ATP10B: variants seen among roughly 807,000 people sequenced by gnomAD.
ATP10B encodes the protein ATPase phospholipid transporting 10B (putative).
ATP10B carries 122 observed loss-of-function variants against 141.2 expected under a neutral mutation model. The ratio of observed to expected loss-of-function variants is 0.86; its 90% CI spans 0.75 to 1.00. The LOEUF (loss-of-function observed/expected upper bound fraction) is 1.00, where lower values mean the gene tolerates loss of function less well. Among genes scored for constraint, ATP10B ranks in the 50% least tolerant of loss-of-function variants. The pLI, the probability that ATP10B is intolerant of heterozygous loss-of-function variation, is 0.00. For missense variants in ATP10B, 1,876 were observed against 1,825.3 expected (o/e 1.03, Z -0.51); for synonymous variants, 685 against 692.0 (o/e 0.99, Z 0.16).
rs188685171 is a variant in ATP10B at position 160,656,875 on chromosome 5, T to A, written c.676-7619A>T. Among the ~76,000 whole-genome samples, 18 of 152,288 alleles carry A rather than the reference T, an allele frequency of 1.2e-4. No individual in the cohort carries two copies. The East Asian group carries it at 3.5e-3, about 29-fold the overall frequency. ...TTTCCTCAAACATAGAAATCATTTATGTATTTAGTTTTTACCAAGAGTCAA... is the reference window on the plus strand; with the variant it reads ...TTTCCTCAAACATAGAAATCATTTAAGTATTTAGTTTTTACCAAGAGTCAA... On this transcript the variant is annotated intron_variant, in intron 7 of 25. Coordinates refer to ENST00000327245, the MANE Select transcript of ATP10B (RefSeq NM_025153.3).
rs768798800 is a variant in ATP10B at position 160,606,797 on chromosome 5, C to T, written c.3128G>A (p.Arg1043Gln). Residue 1043 changes from arginine to glutamine, a missense_variant, in exon 19 of 26, where the codon CGA (arginine) becomes CAA (glutamine). Physicochemically the swap from Arg to Gln is conservative, Grantham distance 43 (BLOSUM62 1). Transcript: ENST00000327245. Reference protein sequence around the residue: ...LQKSMIVKLVRDKLRVMTLSI... With the variant: ...LQKSMIVKLVQDKLRVMTLSI... ...AAGGGTCATGACGCGCAACTTGTCTCGCACCAGCTTGACTATCATACTCTT... is the reference window on the plus strand; with the variant it reads ...AAGGGTCATGACGCGCAACTTGTCTTGCACCAGCTTGACTATCATACTCTT... The T allele has an allele frequency of 1.2e-5, 19 of 1,613,914 alleles. No homozygotes were observed. Among genetic ancestry groups the T allele is most frequent in the East Asian group, 4.5e-5 (2 of 44,890 alleles).
chr5:160,675,136 C>T (rs139042023), intron 6 of ATP10B, among the ~76,000 whole-genome samples: 13 of 152,250 alleles, frequency 8.5e-5, no homozygotes, highest in South Asian at 6.2e-4. Context: ...GGCCAGGAGC[C>T]GCCTGCAGAA....
At chr5:160,709,523 T>C (rs962441783) in intron 3 of ATP10B, among the ~76,000 whole-genome samples, 6 of 152,106 alleles carry the variant, frequency 3.9e-5, no homozygotes, top group Admixed American at 3.3e-4. Context: ...ATCAGACTGG[T>C]GAAAAATGAG....
the ATP10B span, among the ~76,000 whole-genome samples, chr5:160,873,655 G>C: frequency 6.6e-6 from 1 of 152,210 alleles, no homozygotes; most frequent in Non-Finnish European, 1.5e-5. Flanking sequence ...GCCAGACAGT[G>C]GACGCAGGTC....
chr5:160,920,605 G>A, the ATP10B span, among the ~76,000 whole-genome samples: 96,417 of 152,146 alleles, frequency 0.63, 31,758 homozygotes, highest in African/African-American at 0.81. Flanking sequence ...TCCCAGATAC[G>A]TAAGTCAGTG....
At chr5:160,604,373 T>G (rs559846866) in intron 19 of ATP10B, among the ~76,000 whole-genome samples, 1 of 152,220 alleles carries the variant, frequency 6.6e-6, no homozygotes, top group South Asian at 2.1e-4. Flanking sequence ...TGAACTTTAC[T>G]GATGAGCAAA....
At position 160,617,960 on chromosome 5, in the gene ATP10B, A is replaced by G. The variant is rs1435024238; in HGVS notation, c.2430T>C (p.Asn810=). The G allele has an allele frequency of 6.2e-7, 1 of 1,614,018 alleles. No individual in the cohort carries two copies. Among genetic ancestry groups the G allele is most frequent in the Non-Finnish European group, 8.5e-7 (1 of 1,179,890 alleles). Residue 810 remains asparagine, a synonymous_variant, in exon 16 of 26, where the codon AAT becomes AAC. Transcript: ENST00000327245. The part of the protein sequence containing the change: ...LEDPACVPDI[N]MEKKLRKIRA... ...GGATTTTTCTCAGCTTCTTTTCCAT[A>G]TTAATGTCAGGTACTGTCAAATAGC...
At chr5:160,765,613 G>T (rs1769344477) in intron 2 of ATP10B, among the ~76,000 whole-genome samples, 1 of 152,048 alleles carries the variant, frequency 6.6e-6, no homozygotes, top group African/African-American at 2.4e-5. Context: ...AAAAATTCTA[G>T]AAGATAATAT....
At chr5:160,780,302 C>A (rs922148370) in intron 2 of ATP10B, among the ~76,000 whole-genome samples, 3 of 151,984 alleles carry the variant, frequency 2.0e-5, no homozygotes, top group Non-Finnish European at 4.4e-5. Flanking sequence ...CATGATTTAG[C>A]CTTTTTATAG....
chr5:160,874,270 GT>G, the ATP10B span, among the ~76,000 whole-genome samples: 1 of 151,170 alleles, frequency 6.6e-6, no homozygotes, highest in African/African-American at 2.4e-5. Context: ...CCCCAGGAGG[GT>G]ACACTGACAC....
At chr5:160,565,994 C>T in intron 25 of ATP10B, 94 bp from the exon 26 acceptor site, 1 of 1,221,320 alleles carries the variant, frequency 8.2e-7, no homozygotes. Context: ...CAACTCCCTG[C>T]CTGGAGCAAG....
chr5:160,640,215 C>T (rs919702384), intron 10 of ATP10B, among the ~76,000 whole-genome samples: 13 of 152,170 alleles, frequency 8.5e-5, no homozygotes, highest in South Asian at 2.1e-4. Flanking sequence ...TTCCATGCTA[C>T]GAGAGTGCCT....
At chr5:160,627,167 C>T (rs1758653995) in intron 13 of ATP10B, among the ~76,000 whole-genome samples, 1 of 152,176 alleles carries the variant, frequency 6.6e-6, no homozygotes, top group Non-Finnish European at 1.5e-5. Context: ...TTACTCCTGT[C>T]TCAAAATTCA....
At chr5:160,581,653 T>A (rs1755562227) in intron 24 of ATP10B, among the ~76,000 whole-genome samples, 5 of 152,232 alleles carry the variant, frequency 3.3e-5, no homozygotes, top group Non-Finnish European at 7.4e-5. Flanking sequence ...GTTCTGTAGA[T>A]GTCTATTAGG....
intron 19 of ATP10B, among the ~76,000 whole-genome samples, chr5:160,605,954 G>A (rs1757364422): frequency 6.6e-6 from 1 of 152,210 alleles, no homozygotes. Flanking sequence ...GCAAAGTTAG[G>A]TAGGATTGGA....
intron 2 of ATP10B, among the ~76,000 whole-genome samples, chr5:160,717,443 A>G (rs1765726781): frequency 6.6e-6 from 1 of 152,146 alleles, no homozygotes. Context: ...CTCTTCCTGT[A>G]GAAAAAGGTC....
intron 3 of ATP10B, among the ~76,000 whole-genome samples, chr5:160,716,136 GTCA>G (rs769831385): frequency 3.7e-4 from 56 of 152,016 alleles, no homozygotes; most frequent in Non-Finnish European, 4.9e-4. Context: ...TATTAATTAC[GTCA>G]TCATTCAGTA....
chr5:160,818,988 A>AG (rs895303497), intron 1 of ATP10B, among the ~76,000 whole-genome samples: 2 of 152,018 alleles, frequency 1.3e-5, no homozygotes, highest in African/African-American at 4.8e-5. Flanking sequence ...ATCACACACC[A>AG]GGGCCTGTTG....
chr5:160,576,598 A>G (rs889565624), intron 24 of ATP10B, among the ~76,000 whole-genome samples: 1 of 152,216 alleles, frequency 6.6e-6, no homozygotes, highest in Non-Finnish European at 1.5e-5. Context: ...GGGAGCCCCA[A>G]GGGGTTACAG....
Sources: gnomAD v4.1 joint callset for allele counts (sites outside exome capture counted in the v4.1 genomes callset) on GRCh38, gnomAD v4.1.1 for gene constraint, MANE v1.5 for transcripts, NCBI Gene and HGNC (gene_info 2026-07-23, HGNC 2026-07-21) for gene names.